The following PKP4 variants were observed in gnomAD, a reference collection of about 807,000 sequenced individuals.
PKP4 encodes plakophilin-4.
In PKP4, 90 loss-of-function variants were observed where a neutral mutation model predicts 145.1. The ratio of observed to expected loss-of-function variants is 0.62; its 90% CI spans 0.52 to 0.74. The LOEUF (loss-of-function observed/expected upper bound fraction) is 0.74. Among genes scored for constraint, PKP4 ranks in the 30% least tolerant of loss-of-function variants. PKP4 has a pLI of 0.00. For synonymous variants in PKP4, 563 were observed against 577.2 expected, an observed-to-expected ratio of 0.98 and a Z score of 0.35; for missense variants, 1,340 against 1,482.7, an observed-to-expected ratio of 0.90 and a Z score of 1.58.
chr2:158,620,567 G>A (rs2052124494), intron 4 of PKP4, among the ~76,000 whole-genome samples: 1 of 152,152 alleles, frequency 6.6e-6, no homozygotes, highest in South Asian at 2.1e-4. Flanking sequence ...ACCTTCAGAG[G>A]CTTCATCACC....
chr2:158,569,031 C>T (rs1024957852), intron 2 of PKP4, among the ~76,000 whole-genome samples: 2 of 152,152 alleles, frequency 1.3e-5, no homozygotes, highest in Non-Finnish European at 2.9e-5. Context: ...CTCTACCTGT[C>T]TTCTTTGAAG....
At chr2:158,507,043 G>A (rs2041048256) in intron 1 of PKP4, among the ~76,000 whole-genome samples, 1 of 152,160 alleles carries the variant, frequency 6.6e-6, no homozygotes, top group East Asian at 1.9e-4. Context: ...TGATTCTCCT[G>A]GTCAGCATAA....
chr2:158,569,751 C>G (rs146232242), intron 2 of PKP4, among the ~76,000 whole-genome samples: 1 of 152,146 alleles, frequency 6.6e-6, no homozygotes, highest in Non-Finnish European at 1.5e-5. Context: ...GCTTAGTGTT[C>G]AATAAATCAA....
At chr2:158,660,199 A>C (rs1459415262) in intron 12 of PKP4, 1 of 152,736 alleles carries the variant, frequency 6.5e-6, no homozygotes, top group Non-Finnish European at 1.5e-5. Flanking sequence ...GACAATGTCC[A>C]GTTTGAGAAG....
chr2:158,465,371 A>G (rs1051046628), intron 1 of PKP4, among the ~76,000 whole-genome samples: 2 of 152,190 alleles, frequency 1.3e-5, no homozygotes, highest in Admixed American at 6.5e-5. Flanking sequence ...TGATTTCAAA[A>G]TAAGTTTTAA....
In PKP4 at chr2:158,676,903, G is replaced by C. The variant is rs1329496655; in HGVS notation, c.3256+36G>C. The C allele has an allele frequency of 1.9e-6, 3 of 1,613,522 alleles. No individual in the cohort carries two copies. In the African/African-American group the frequency reaches 4.0e-5, roughly 22 times the overall value. On this transcript the variant is annotated intron_variant, in intron 20 of 21. Transcript: ENST00000389759. Reference sequence around the variant, plus strand: ...AGTTGGGTGTGTGATACAGTCTCTTGAAAAGCCGCATTTCCAGGCGCTTGG... The same window carrying C: ...AGTTGGGTGTGTGATACAGTCTCTTCAAAAGCCGCATTTCCAGGCGCTTGG...
At chr2:158,521,943 C>A (rs2042414290) in intron 1 of PKP4, among the ~76,000 whole-genome samples, 1 of 152,110 alleles carries the variant, frequency 6.6e-6, no homozygotes, top group Admixed American at 6.5e-5. Context: ...TTTAAATATT[C>A]ACGCTTTCTT....
chr2:158,675,299 CATT>C (rs1307819412), intron 19 of PKP4, among the ~76,000 whole-genome samples: 3 of 150,560 alleles, frequency 2.0e-5, no homozygotes, highest in Admixed American at 6.6e-5. Flanking sequence ...TTTCTTAAAA[CATT>C]ATGAGATTTT....
chr2:158,500,571 A>G (rs898953247), intron 1 of PKP4, among the ~76,000 whole-genome samples: 4 of 152,220 alleles, frequency 2.6e-5, no homozygotes, highest in Non-Finnish European at 5.9e-5. Context: ...GCAGATGGCA[A>G]TGGCCTCTAT....
intron 1 of PKP4, among the ~76,000 whole-genome samples, chr2:158,486,420 G>A (rs1481807654): frequency 1.3e-5 from 2 of 152,166 alleles, no homozygotes; most frequent in Admixed American, 6.5e-5. Context: ...GTATAGTTTG[G>A]TAGCAGTATA....
At chr2:158,663,241 C>T (rs1315504654) in intron 14 of PKP4, 31 bp from the exon 15 acceptor site, 4 of 1,598,442 alleles carry the variant, frequency 2.5e-6, no homozygotes, top group African/African-American at 1.3e-5. Context: ...TTCATTCTGC[C>T]TCCATTTAAC....
intron 1 of PKP4, among the ~76,000 whole-genome samples, chr2:158,472,468 C>T (rs112042609): frequency 0.084 from 12,810 of 151,786 alleles, 748 homozygotes; most frequent in Middle Eastern, 0.22. Flanking sequence ...AAAAAATTGG[C>T]CTAGGGCAGT....
chr2:158,674,769 A>ATAAT (rs1401820852), intron 19 of PKP4, among the ~76,000 whole-genome samples: 1 of 152,200 alleles, frequency 6.6e-6, no homozygotes, highest in Non-Finnish European at 1.5e-5. Context: ...GAAAGGAAAA[A>ATAAT]TAATAAGTAT....
intron 2 of PKP4, among the ~76,000 whole-genome samples, chr2:158,547,990 A>C (rs2045236684): frequency 6.6e-6 from 1 of 152,230 alleles, no homozygotes; most frequent in Non-Finnish European, 1.5e-5. Context: ...ATTTTGTTTT[A>C]GATTTGTTCA....
chr2:158,462,161 C>G (rs1179993699), intron 1 of PKP4, among the ~76,000 whole-genome samples: 1 of 152,144 alleles, frequency 6.6e-6, no homozygotes, highest in Non-Finnish European at 1.5e-5. Context: ...TGGCCCATTG[C>G]AAGCTGTGTC....
chr2:158,679,823 C>G (rs752999821), intron 21 of PKP4, among the ~76,000 whole-genome samples: 1 of 152,228 alleles, frequency 6.6e-6, no homozygotes, highest in African/African-American at 2.4e-5. Flanking sequence ...TACTATTCTT[C>G]TGCCTTGAGA....
rs76452776 is a variant in PKP4 at position 158,520,384 on chromosome 2, G to A, written c.-5-12796G>A. ...GATTCCTTCTAGGCATTTATACATC[G>A]TAAAATTATATTTAGTCTAGTTTTA... is the stretch of plus-strand genomic sequence containing the variant. On this transcript the variant is annotated intron_variant, in intron 1 of 21. Coordinates refer to ENST00000389759, the MANE Select transcript of PKP4 (RefSeq NM_003628.6). Among the ~76,000 whole-genome samples the A allele has an allele frequency of 3.0e-3, 463 of 152,176 alleles. 3 individuals are homozygous for A. The highest frequency in any genetic ancestry group is 5.6e-3 in the Non-Finnish European group (380 of 67,990).
chr2:158,530,931 CCCT>C (rs1184198033), intron 1 of PKP4, among the ~76,000 whole-genome samples: 2 of 152,084 alleles, frequency 1.3e-5, no homozygotes, highest in Non-Finnish European at 2.9e-5. Context: ...AGCTCTCTGA[CCCT>C]CCTCCTCTTG....
At chr2:158,473,750 G>A (rs115042333) in intron 1 of PKP4, among the ~76,000 whole-genome samples, 55 of 152,242 alleles carry the variant, frequency 3.6e-4, no homozygotes, top group Admixed American at 1.2e-3. Flanking sequence ...ACATACCCCA[G>A]CGATATAAGT....
Sources: allele counts gnomAD v4.1 joint callset (sites outside exome capture counted in the v4.1 genomes callset), GRCh38; gene constraint gnomAD v4.1.1; transcripts MANE v1.5; gene names NCBI Gene and HGNC (gene_info 2026-07-23, HGNC 2026-07-21).